The following SEPTIN7 variants were observed in gnomAD, a reference collection of about 807,000 sequenced individuals.
The protein encoded by SEPTIN7 is septin-7.
A neutral mutation model predicts 63.3 loss-of-function variants in SEPTIN7; 10 were observed. The observed-to-expected ratio is 0.16, with a 90% CI of 0.10 to 0.27. SEPTIN7 has a LOEUF of 0.27. Ranked by LOEUF, SEPTIN7 falls within the 10% of genes least tolerant of loss-of-function variation. The probability of loss-of-function intolerance (pLI) is 1.00; values close to 1 mark genes in which losing one functional copy is unlikely to be tolerated. For missense variants in SEPTIN7, 310 were observed against 521.0 expected, an observed-to-expected ratio of 0.59 and a Z score of 3.94; for synonymous variants, 131 against 165.3, an observed-to-expected ratio of 0.79 and a Z score of 1.59.
intron 11 of SEPTIN7, among the ~76,000 whole-genome samples, chr7:35,892,633 TA>T (rs1383196318): frequency 6.6e-6 from 1 of 152,144 alleles, no homozygotes; most frequent in Non-Finnish European, 1.5e-5. Flanking sequence ...TAAGGCTTTT[TA>T]AAGTAGTGCT....
chr7:35,879,816 A>G lies in SEPTIN7; in HGVS notation c.513-7A>G. ...AATTCAGTCAAATTAAATACTGTGT[A>G]TTTCAGACTTAAACCATTGGATATT... On this transcript the variant is annotated splice_polypyrimidine_tract_variant and splice_region_variant and intron_variant, in intron 6 of 13. Coordinates refer to ENST00000350320, the MANE Select transcript of SEPTIN7 (RefSeq NM_001788.6). 3 of 1,473,626 alleles carry G rather than the reference A, an allele frequency of 2.0e-6. No homozygotes were observed. Among genetic ancestry groups the G allele is most frequent in the Non-Finnish European group, 2.8e-6 (3 of 1,068,384 alleles). 91.3% of individuals were successfully genotyped at this position (1,473,626 alleles called of 1,614,324 possible). A position where few individuals can be genotyped will look rare whatever the true frequency, so the allele number is the denominator to read the frequency against.
At chr7:35,894,175 CT>C (rs1231095177) in intron 11 of SEPTIN7, among the ~76,000 whole-genome samples, 7 of 143,932 alleles carry the variant, frequency 4.9e-5, no homozygotes, top group Middle Eastern at 3.4e-3. Flanking sequence ...TGTCTGCCTC[CT>C]TTTTCCTTGA....
At chr7:35,885,803 T>C in intron 9 of SEPTIN7, 25 bp from the exon 10 acceptor site, 3 of 1,572,696 alleles carry the variant, frequency 1.9e-6, no homozygotes, top group Non-Finnish European at 2.6e-6. Context: ...AAATATAACA[T>C]ATGCGGTCTG....
At chr7:35,819,849 A>C (rs1213658925) in intron 1 of SEPTIN7, among the ~76,000 whole-genome samples, 1 of 152,190 alleles carries the variant, frequency 6.6e-6, no homozygotes, top group African/African-American at 2.4e-5. Context: ...CTTACTTTTA[A>C]AAATCCACAT....
At chr7:35,864,423 G>A (rs1481503752) in intron 4 of SEPTIN7, among the ~76,000 whole-genome samples, 3 of 152,082 alleles carry the variant, frequency 2.0e-5, no homozygotes, top group African/African-American at 7.2e-5. Flanking sequence ...TTCTAGATAT[G>A]TACTTTTTAT....
intron 1 of SEPTIN7, among the ~76,000 whole-genome samples, chr7:35,824,701 TAATATCTAACCTAGC>T (rs1783412491): frequency 6.6e-6 from 1 of 152,220 alleles, no homozygotes; most frequent in South Asian, 2.1e-4. Context: ...TTCATGTCTT[TAATATCTAACCTAGC>T]ATTGTCCAAT....
chr7:35,807,654 T>C (rs1788439304), intron 1 of SEPTIN7, among the ~76,000 whole-genome samples: 1 of 151,830 alleles, frequency 6.6e-6, no homozygotes, highest in African/African-American at 2.4e-5. Context: ...TGAGCCACTG[T>C]GCCCTGCCAA....
chr7:35,870,744 G>A (rs1583594909), intron 4 of SEPTIN7, among the ~76,000 whole-genome samples: 1 of 149,688 alleles, frequency 6.7e-6, no homozygotes, highest in South Asian at 2.1e-4. Context: ...TGGGAAGATC[G>A]CTTGAACCCA....
chr7:35,853,763 T>C (rs1240565648), intron 3 of SEPTIN7, among the ~76,000 whole-genome samples: 5 of 152,162 alleles, frequency 3.3e-5, no homozygotes, highest in Non-Finnish European at 7.4e-5. Flanking sequence ...AAATATCCCA[T>C]GTCAGATATG....
At chr7:35,820,163 A>G (rs578174837) in intron 1 of SEPTIN7, among the ~76,000 whole-genome samples, 19 of 152,088 alleles carry the variant, frequency 1.2e-4, no homozygotes, top group African/African-American at 4.3e-4. Context: ...TCTCTTATAC[A>G]TATAGTTGCT....
Position 35,904,620 on chromosome 7 carries a change from C to T in SEPTIN7, c.*327C>T. 1 of 190,090 alleles carries T rather than the reference C, an allele frequency of 5.3e-6. No homozygotes were observed. The highest frequency in any genetic ancestry group is 1.1e-5 in the Non-Finnish European group (1 of 93,404). 11.8% of individuals were successfully genotyped at this position (190,090 alleles called of 1,614,324 possible). The stretch of plus-strand genomic sequence containing the variant: ...GTGGTTTGATTGTTTACAGGATATT[C>T]CAAAATAAAAGGACTCTGGAAGATT... On this transcript the variant is annotated 3_prime_UTR_variant, in exon 14 of 14. Coordinates refer to ENST00000350320, the MANE Select transcript of SEPTIN7 (RefSeq NM_001788.6).
intron 9 of SEPTIN7, among the ~76,000 whole-genome samples, chr7:35,885,148 G>C (rs1463170177): frequency 1.2e-4 from 18 of 151,854 alleles, no homozygotes; most frequent in Admixed American, 9.2e-4. Flanking sequence ...CACTGCCCCT[G>C]GTTTATTTTG....
chr7:35,899,552 A>G (rs1788182648), intron 12 of SEPTIN7: 1 of 152,326 alleles, frequency 6.6e-6, no homozygotes, highest in African/African-American at 2.4e-5. Flanking sequence ...AAACAGACAA[A>G]CAAAAAGCCC....
At chr7:35,909,448 T>G (rs537529158), downstream of SEPTIN7, among the ~76,000 whole-genome samples, 9 of 152,216 alleles carry the variant, frequency 5.9e-5, no homozygotes, top group Non-Finnish European at 8.8e-5. Context: ...TTGGCCTGAT[T>G]ATAGCTCATG....
At chr7:35,885,226 A>T (rs557719713) in intron 9 of SEPTIN7, among the ~76,000 whole-genome samples, 18 of 152,166 alleles carry the variant, frequency 1.2e-4, no homozygotes, top group African/African-American at 4.3e-4. Flanking sequence ...CCCATCAGTG[A>T]CCTGTGTACC....
chr7:35,915,097 ATG>A, the SEPTIN7 span, among the ~76,000 whole-genome samples: 5 of 152,060 alleles, frequency 3.3e-5, no homozygotes, highest in African/African-American at 1.2e-4. Flanking sequence ...ATATATGCGT[ATG>A]TACACAGGTG....
chr7:35,905,201 A>G lies in SEPTIN7; in HGVS notation c.*908A>G, dbSNP rs530364227. 2.6e-5 allele frequency: 4 copies of G among 152,652 alleles called. No individual in the cohort carries two copies. The highest frequency in any genetic ancestry group is 9.6e-5 in the African/African-American group (4 of 41,468). 9.5% of individuals were successfully genotyped at this position (152,652 alleles called of 1,614,324 possible). A position where few individuals can be genotyped will look rare whatever the true frequency, so the allele number is the denominator to read the frequency against. ...AGAAATGGGAATCATGGCCTCTTGA[A>G]GAGAAAAAAGTCACCATTCTGCATT... On this transcript the variant is annotated 3_prime_UTR_variant, in exon 14 of 14. Coordinates refer to ENST00000350320, the MANE Select transcript of SEPTIN7 (RefSeq NM_001788.6).
chr7:35,867,880 T>TTTTC, intron 4 of SEPTIN7, among the ~76,000 whole-genome samples: 1 of 152,084 alleles, frequency 6.6e-6, no homozygotes, highest in South Asian at 2.1e-4. Context: ...TGTTTTTTTT[T>TTTTC]TTTCTTTCCG....
At chr7:35,884,280 T>G (rs1226435322) in intron 9 of SEPTIN7, among the ~76,000 whole-genome samples, 4 of 152,150 alleles carry the variant, frequency 2.6e-5, no homozygotes, top group Non-Finnish European at 5.9e-5. Context: ...TAAAACGTTT[T>G]GAGCACTGAC....
Sources: allele counts gnomAD v4.1 joint callset (sites outside exome capture counted in the v4.1 genomes callset), GRCh38; gene constraint gnomAD v4.1.1; transcripts MANE v1.5; gene names NCBI Gene and HGNC (gene_info 2026-07-23, HGNC 2026-07-21).